CHST11: variants seen among roughly 807,000 people sequenced by gnomAD.
CHST11 encodes the protein carbohydrate sulfotransferase 11.
A neutral mutation model predicts 30.4 loss-of-function variants in CHST11; 9 were observed. The observed-to-expected ratio is 0.30, with a 90% CI of 0.18 to 0.52. The LOEUF is 0.52. Among genes scored for constraint, CHST11 ranks in the 20% least tolerant of loss-of-function variants. The probability of loss-of-function intolerance (pLI) is 0.97; values close to 1 mark genes in which losing one functional copy is unlikely to be tolerated. For synonymous variants in CHST11, 152 were observed against 187.8 expected, an observed-to-expected ratio of 0.81 and a Z score of 1.56; for missense variants, 348 against 460.6, an observed-to-expected ratio of 0.76 and a Z score of 2.24.
chr12:104,619,718 C>T (rs139431550), intron 2 of CHST11, among the ~76,000 whole-genome samples: 2 of 152,236 alleles, frequency 1.3e-5, no homozygotes, highest in African/African-American at 4.8e-5. Context: ...CTGTTTACAC[C>T]GATCCATAGA....
chr12:104,476,434 G>A (rs964294996), intron 1 of CHST11, among the ~76,000 whole-genome samples: 5 of 151,816 alleles, frequency 3.3e-5, no homozygotes, highest in East Asian at 1.9e-4. Flanking sequence ...ATGTAGCACC[G>A]AATCATGGGC....
chr12:104,597,101 T>C (rs1243622540), intron 1 of CHST11, among the ~76,000 whole-genome samples: 1 of 152,218 alleles, frequency 6.6e-6, no homozygotes, highest in Non-Finnish European at 1.5e-5. Flanking sequence ...TCCTTTGTCC[T>C]GAGCCAGCTC....
chr12:104,602,504 G>T (rs899250252), intron 2 of CHST11, among the ~76,000 whole-genome samples: 3 of 152,198 alleles, frequency 2.0e-5, no homozygotes, highest in Non-Finnish European at 4.4e-5. Context: ...GGCAGCAAAC[G>T]TGGCCTCTGT....
chr12:104,744,863 TTATTTATTTA>T (rs2040377215), intron 2 of CHST11, among the ~76,000 whole-genome samples: 1 of 150,732 alleles, frequency 6.6e-6, no homozygotes, highest in Non-Finnish European at 1.5e-5. Context: ...ATTTATTTAT[TTATTTATTTA>T]TTTATTTATT....
At chr12:104,523,500 A>G (rs561268166) in intron 1 of CHST11, among the ~76,000 whole-genome samples, 1 of 152,326 alleles carries the variant, frequency 6.6e-6, no homozygotes, top group African/African-American at 2.4e-5. Flanking sequence ...GAAAGATGAA[A>G]AAAACCCCAA....
At chr12:104,531,920 A>G (rs2038189037) in intron 1 of CHST11, among the ~76,000 whole-genome samples, 1 of 152,208 alleles carries the variant, frequency 6.6e-6, no homozygotes, top group African/African-American at 2.4e-5. Context: ...CATGGTAGGC[A>G]TTGTTTGTAA....
intron 2 of CHST11, among the ~76,000 whole-genome samples, chr12:104,618,727 C>G (rs1478545339): frequency 1.3e-5 from 2 of 152,118 alleles, no homozygotes; most frequent in African/African-American, 4.8e-5. Context: ...ACATCATTCC[C>G]CATTTTACAG....
At chr12:104,756,531 G>GT (rs1166824273) in intron 2 of CHST11, among the ~76,000 whole-genome samples, 2,424 of 135,322 alleles carry the variant, frequency 0.018, 25 homozygotes, top group East Asian at 0.055. Context: ...GATCCATGTG[G>GT]GGTGTGTGTG....
At chr12:104,501,688 T>C (rs1328851277) in intron 1 of CHST11, among the ~76,000 whole-genome samples, 1 of 152,216 alleles carries the variant, frequency 6.6e-6, no homozygotes, top group East Asian at 1.9e-4. Context: ...ATAGTCAGCC[T>C]GGAGAAAATG....
chr12:104,546,151 T>G (rs534169436), intron 1 of CHST11, among the ~76,000 whole-genome samples: 6 of 152,248 alleles, frequency 3.9e-5, no homozygotes, highest in African/African-American at 1.2e-4. Context: ...TTTTTATTTC[T>G]GATTGATCAA....
rs1031028831 is a variant in CHST11 at position 104,524,384 on chromosome 12, A to G, written c.118+66855A>G. Among the ~76,000 whole-genome samples the G allele has an allele frequency of 9.9e-5, 15 of 152,200 alleles. 1 individual carries two copies. Among genetic ancestry groups the G allele is most frequent in the Admixed American group, 9.2e-4 (14 of 15,268 alleles). Reference sequence around the variant, plus strand: ...TAGTCAGAGAGCTAGTGGGCTTTGCAGCTAGTTCATTCATTTGTCCTAATC... The same window carrying G: ...TAGTCAGAGAGCTAGTGGGCTTTGCGGCTAGTTCATTCATTTGTCCTAATC... On this transcript the variant is annotated intron_variant, in intron 1 of 2. Transcript: ENST00000303694.
chr12:104,539,297 A>G (rs1010497453), intron 1 of CHST11, among the ~76,000 whole-genome samples: 1 of 152,162 alleles, frequency 6.6e-6, no homozygotes, highest in African/African-American at 2.4e-5. Context: ...CTGCATCTGA[A>G]AAATGGGGAT....
intron 1 of CHST11, among the ~76,000 whole-genome samples, chr12:104,469,884 A>C (rs759898683): frequency 6.6e-6 from 1 of 152,198 alleles, no homozygotes; most frequent in Non-Finnish European, 1.5e-5. Flanking sequence ...AGGGGAGCAT[A>C]TTTGTCAGGG....
At chr12:104,755,572 G>A (rs2040468049) in intron 2 of CHST11, among the ~76,000 whole-genome samples, 1 of 152,084 alleles carries the variant, frequency 6.6e-6, no homozygotes, top group African/African-American at 2.4e-5. Flanking sequence ...AATCACCTGA[G>A]GTCAGGAGTT....
intron 1 of CHST11, among the ~76,000 whole-genome samples, chr12:104,580,388 C>T: frequency 6.6e-6 from 1 of 152,070 alleles, no homozygotes. Flanking sequence ...TTAATTAGGT[C>T]AATTAGATTA....
chr12:104,752,239 G>A lies in CHST11; in HGVS notation c.205-4710G>A, dbSNP rs376821939. Among the ~76,000 whole-genome samples, 11 of 152,194 alleles carry A rather than the reference G, an allele frequency of 7.2e-5. No individual in the cohort carries two copies. In the South Asian group the frequency reaches 1.2e-3, roughly 17 times the overall value. On this transcript the variant is annotated intron_variant, in intron 2 of 2. Coordinates refer to ENST00000303694, the MANE Select transcript of CHST11 (RefSeq NM_018413.6). Reference sequence around the variant, plus strand: ...CTGGAGACACATCATTGCAGTCTCCGACTCTGTCCTCACGTGGCATTCTCC... The same window carrying A: ...CTGGAGACACATCATTGCAGTCTCCAACTCTGTCCTCACGTGGCATTCTCC...
At chr12:104,619,875 C>G (rs1441084754) in intron 2 of CHST11, among the ~76,000 whole-genome samples, 2 of 152,170 alleles carry the variant, frequency 1.3e-5, no homozygotes, top group Non-Finnish European at 2.9e-5. Flanking sequence ...TCAAGAGCAA[C>G]TCAAAAGTTC....
At chr12:104,724,157 CA>C (rs1483585241) in intron 2 of CHST11, among the ~76,000 whole-genome samples, 1 of 152,122 alleles carries the variant, frequency 6.6e-6, no homozygotes, top group Non-Finnish European at 1.5e-5. Flanking sequence ...TAGTCCTAAA[CA>C]GAGAAAATAG....
intron 2 of CHST11, among the ~76,000 whole-genome samples, chr12:104,746,778 T>A (rs1284350291): frequency 6.6e-6 from 1 of 152,206 alleles, no homozygotes; most frequent in Admixed American, 6.5e-5. Flanking sequence ...CCAGACCAGA[T>A]CGTTTCTTTA....
Sources: gnomAD v4.1 joint callset for allele counts (sites outside exome capture counted in the v4.1 genomes callset) on GRCh38, gnomAD v4.1.1 for gene constraint, MANE v1.5 for transcripts, NCBI Gene and HGNC (gene_info 2026-07-23, HGNC 2026-07-21) for gene names.